Variants in GIGYF2 observed in about 807,000 individuals in gnomAD.
GIGYF2 encodes the protein GRB10 interacting GYF protein 2.
GIGYF2 carries 25 observed loss-of-function variants against 208.1 expected under a neutral mutation model. The observed-to-expected ratio is 0.12, with a 90% CI of 0.09 to 0.17. The LOEUF (loss-of-function observed/expected upper bound fraction) is 0.17, where lower values mean the gene tolerates loss of function less well. Ranked by LOEUF, GIGYF2 falls within the 10% of genes least tolerant of loss-of-function variation. The probability of loss-of-function intolerance (pLI) is 1.00; values close to 1 mark genes in which losing one functional copy is unlikely to be tolerated. For synonymous variants in GIGYF2, 534 were observed against 543.8 expected, an observed-to-expected ratio of 0.98 and a Z score of 0.25; for missense variants, 1,302 against 1,579.4, an observed-to-expected ratio of 0.82 and a Z score of 2.98.
chr2:232,699,915 AC>A (rs1416662759), intron 1 of GIGYF2, among the ~76,000 whole-genome samples: 2 of 152,208 alleles, frequency 1.3e-5, no homozygotes, highest in East Asian at 3.9e-4. Flanking sequence ...CTCCACTTTT[AC>A]CTTTCAGACT....
intron 14 of GIGYF2, among the ~76,000 whole-genome samples, chr2:232,800,790 C>T (rs1700373321): frequency 6.6e-6 from 1 of 152,084 alleles, no homozygotes; most frequent in Non-Finnish European, 1.5e-5. Context: ...CTGGCTCATG[C>T]CTGTAATCCT....
At chr2:232,832,114 A>C (rs1701438508) in intron 21 of GIGYF2, among the ~76,000 whole-genome samples, 1 of 152,230 alleles carries the variant, frequency 6.6e-6, no homozygotes, top group African/African-American at 2.4e-5. Flanking sequence ...GCAAAGGTGA[A>C]GTATACCTCC....
intron 1 of GIGYF2, chr2:232,698,285 C>T (rs1268078829): frequency 1.3e-5 from 2 of 152,148 alleles, no homozygotes; most frequent in Non-Finnish European, 2.9e-5. Flanking sequence ...CACTTAAACA[C>T]ACGTAGTCTC....
At chr2:232,756,129 T>C (rs773601564) in intron 5 of GIGYF2, 94 bp from the exon 6 acceptor site, 6 of 712,676 alleles carry the variant, frequency 8.4e-6, no homozygotes, top group Non-Finnish European at 1.4e-5. Flanking sequence ...GCAGTAGGAA[T>C]GTGGGGAGAA....
intron 8 of GIGYF2, chr2:232,782,848 T>C (rs558135322): frequency 6.6e-6 from 1 of 152,290 alleles, no homozygotes; most frequent in Non-Finnish European, 1.5e-5. Context: ...ATTAGGATAG[T>C]GTTTATCTTG....
At chr2:232,796,822 T>G (rs1435889694) in intron 14 of GIGYF2, among the ~76,000 whole-genome samples, 1 of 152,144 alleles carries the variant, frequency 6.6e-6, no homozygotes, top group Non-Finnish European at 1.5e-5. Flanking sequence ...ATCATGCCAC[T>G]GCACTGCAGC....
intron 23 of GIGYF2, among the ~76,000 whole-genome samples, chr2:232,841,824 T>A (rs372052244): frequency 6.6e-6 from 1 of 152,122 alleles, no homozygotes; most frequent in Non-Finnish European, 1.5e-5. Context: ...GCTGCTGTTT[T>A]GTTTTTCTTG....
intron 8 of GIGYF2, among the ~76,000 whole-genome samples, chr2:232,785,725 T>C (rs74474586): frequency 0.015 from 2,344 of 152,294 alleles, 81 homozygotes; most frequent in African/African-American, 0.054. Flanking sequence ...TATCTTTCAG[T>C]AGAATGATAC....
At chr2:232,814,564 AACCC>A (rs1700847474) in intron 18 of GIGYF2, among the ~76,000 whole-genome samples, 1 of 65,188 alleles carries the variant, frequency 1.5e-5, no homozygotes, top group Non-Finnish European at 3.1e-5. Context: ...CTCCACCTCA[AACCC>A]CCCCCCCCCA....
Position 232,832,994 on chromosome 2 carries a change from C to G in GIGYF2, c.2667C>G (p.Val889=). The change falls in exon 22 of 29, where the codon GTC becomes GTG. Residue 889 remains valine, a synonymous_variant. Coordinates refer to ENST00000373563, the MANE Select transcript of GIGYF2 (RefSeq NM_001103146.3). ...EEERKRKELE[V]QRQKELMRQR... is the part of the protein sequence containing the mutation. Reference sequence around the variant, plus strand: ...AACGGAAGAGAAAGGAGCTGGAGGTCCAGCGGCAGAAGGAGTTAATGCGCC... The same window carrying G: ...AACGGAAGAGAAAGGAGCTGGAGGTGCAGCGGCAGAAGGAGTTAATGCGCC... 1 of 1,574,376 alleles carries G rather than the reference C, an allele frequency of 6.4e-7. No homozygotes were observed. Among genetic ancestry groups the G allele is most frequent in the Non-Finnish European group, 8.6e-7 (1 of 1,159,548 alleles).
intron 5 of GIGYF2, among the ~76,000 whole-genome samples, chr2:232,755,642 T>G (rs1464869517): frequency 6.6e-6 from 1 of 152,244 alleles, no homozygotes; most frequent in East Asian, 1.9e-4. Flanking sequence ...TTATTAAGTA[T>G]TCCCTTCGTC....
intron 14 of GIGYF2, among the ~76,000 whole-genome samples, chr2:232,803,432 T>TG (rs1306103417): frequency 2.0e-5 from 3 of 152,108 alleles, no homozygotes; most frequent in African/African-American, 7.2e-5. Flanking sequence ...ATGGTTTTTT[T>TG]TGTGTGTGTG....
intron 14 of GIGYF2, among the ~76,000 whole-genome samples, chr2:232,804,881 G>A (rs1700512574): frequency 6.7e-6 from 1 of 149,544 alleles, no homozygotes; most frequent in Non-Finnish European, 1.5e-5. Flanking sequence ...GTATATTTTT[G>A]GGTTTCTAAG....
chr2:232,741,897 A>C (rs924794630), intron 3 of GIGYF2, among the ~76,000 whole-genome samples: 3 of 152,140 alleles, frequency 2.0e-5, no homozygotes, highest in Non-Finnish European at 4.4e-5. Context: ...TCTTAGTTTC[A>C]TGAAGGCTGG....
At position 232,846,003 on chromosome 2, in the gene GIGYF2, G is replaced by C. The variant is rs4973054; in HGVS notation, c.3460+117G>C. The stretch of plus-strand genomic sequence containing the variant: ...AAGATGAAATCTAAGGAGGTCAACT[G>C]CTGCACCTGCCATAGGAACTTGACT... On this transcript the variant is annotated intron_variant, in intron 26 of 28. Transcript: ENST00000373563. 0.65 allele frequency: 473,102 copies of C among 729,424 alleles called. 157,452 individuals are homozygous for C. Among genetic ancestry groups the C allele is most frequent in the Admixed American group, 0.73 (36,231 of 49,756 alleles). The allele number at this position is 729,424 out of a possible 1,614,324, so 45.2% of individuals were successfully genotyped here.
chr2:232,830,075 G>A (rs1701381465), intron 21 of GIGYF2, among the ~76,000 whole-genome samples: 1 of 152,090 alleles, frequency 6.6e-6, no homozygotes, highest in Non-Finnish European at 1.5e-5. Flanking sequence ...GAACTCCAGG[G>A]GCTCAAGCGA....
intron 5 of GIGYF2, among the ~76,000 whole-genome samples, chr2:232,749,982 C>T (rs1574835191): frequency 2.6e-5 from 4 of 151,854 alleles, no homozygotes; most frequent in South Asian, 2.1e-4. Flanking sequence ...GTCAGGAGTT[C>T]GAGACTAGCC....
chr2:232,825,298 A>G (rs1366754920), intron 21 of GIGYF2, among the ~76,000 whole-genome samples: 1 of 152,186 alleles, frequency 6.6e-6, no homozygotes, highest in African/African-American at 2.4e-5. Context: ...AACCTTCTGT[A>G]AAGGATTTGC....
At position 232,791,258 on chromosome 2, in the gene GIGYF2, A is replaced by C. The variant is rs757370728; in HGVS notation, c.1094A>C (p.Glu365Ala). The change falls in exon 12 of 29, where the codon GAA becomes GCA. Residue 365 changes from glutamate to alanine, a missense_variant and splice_region_variant. Physicochemically the swap from Glu to Ala is moderately radical, Grantham distance 107. This residue lies in a region of GIGYF2 where 235 missense variants were observed against 218.8 expected (regional missense o/e 1.07). Coordinates refer to ENST00000373563, the MANE Select transcript of GIGYF2 (RefSeq NM_001103146.3). ...CAACTAAGATTACTTCGTGTTCCAG[A>C]AGCTAGTGAGGAAACTCCCCAGACC... Reference protein sequence around the residue: ...EGEKTDRVGVEASEETPQTSS... With the variant: ...EGEKTDRVGVAASEETPQTSS... 1.2e-6 allele frequency: 2 copies of C among 1,614,020 alleles called. No homozygotes were observed. Among genetic ancestry groups the C allele is most frequent in the South Asian group, 2.2e-5 (2 of 91,076 alleles).
Sources: allele counts gnomAD v4.1 joint callset (sites outside exome capture counted in the v4.1 genomes callset), GRCh38; gene constraint gnomAD v4.1.1; regional missense constraint gnomAD v4.1.1; transcripts MANE v1.5; gene names NCBI Gene and HGNC (gene_info 2026-07-23, HGNC 2026-07-21).